The following ROR2 variants were observed in gnomAD, a reference collection of about 807,000 sequenced individuals.
The protein encoded by ROR2 is ROR family WNT receptor 2.
A neutral mutation model predicts 74.9 loss-of-function variants in ROR2; 33 were observed. The ratio of observed to expected loss-of-function variants is 0.44; its 90% CI spans 0.33 to 0.59. The LOEUF (loss-of-function observed/expected upper bound fraction) is 0.59, where lower values mean the gene tolerates loss of function less well. Ranked by LOEUF, ROR2 falls within the 20% of genes least tolerant of loss-of-function variation. The pLI, the probability that ROR2 is intolerant of heterozygous loss-of-function variation, is 0.02. For missense variants in ROR2, 1,216 were observed against 1,313.8 expected (o/e 0.93, Z 1.15); for synonymous variants, 586 against 558.7 (o/e 1.05, Z -0.69).
intron 4 of ROR2, among the ~76,000 whole-genome samples, chr9:91,740,365 G>A (rs571516872): frequency 2.2e-4 from 33 of 152,126 alleles, no homozygotes; most frequent in Admixed American, 1.1e-3. Flanking sequence ...TGGCTAACAC[G>A]GTGAAACCCC....
At chr9:91,849,592 G>C (rs954409018) in intron 1 of ROR2, among the ~76,000 whole-genome samples, 7 of 152,198 alleles carry the variant, frequency 4.6e-5, no homozygotes, top group Non-Finnish European at 1.0e-4. Context: ...GATTACTACA[G>C]AATATCTGAC....
intron 2 of ROR2, among the ~76,000 whole-genome samples, chr9:91,760,783 T>C (rs1471410566): frequency 6.6e-6 from 1 of 152,170 alleles, no homozygotes; most frequent in Admixed American, 6.5e-5. Flanking sequence ...TGCATAAAAC[T>C]ACCCACTTCA....
intron 1 of ROR2, among the ~76,000 whole-genome samples, chr9:91,899,110 T>C (rs1008559861): frequency 6.6e-6 from 1 of 152,210 alleles, no homozygotes; most frequent in African/African-American, 2.4e-5. Context: ...GGCCTCTTCC[T>C]GTTCCGCTGA....
rs1166700674 is a variant in ROR2 at position 91,733,303 on chromosome 9, G to A, written c.756C>T (p.Cys252=). The A allele has an allele frequency of 1.2e-6, 2 of 1,612,544 alleles. No homozygotes were observed. The highest frequency in any genetic ancestry group is 1.7e-6 in the Non-Finnish European group (2 of 1,179,656). The part of the protein sequence containing the change: ...RSRTPKPREL[C]RDECEVLESD... ...TCTCCAGCACCTCGCACTCGTCGCG[G>A]CACAGCTCACGCGGCTTGGGTGTCC... The change falls in exon 6 of 9, where the codon TGC becomes TGT. Residue 252 remains cysteine, a synonymous_variant. Transcript: ENST00000375708. The surrounding 1 kb of genome is among the most constrained non-coding windows in gnomAD (Gnocchi z 5.7).
At chr9:91,837,302 G>A (rs1292465756) in intron 1 of ROR2, among the ~76,000 whole-genome samples, 2 of 152,146 alleles carry the variant, frequency 1.3e-5, no homozygotes, top group African/African-American at 2.4e-5. Flanking sequence ...TTGATCTCCT[G>A]ACCTCATGAT....
chr9:91,723,821 T>C lies in ROR2; in HGVS notation c.2673A>G (p.Ser891=). Residue 891 remains serine (S), a synonymous_variant, in exon 9 of 9, where the codon TCA becomes TCG. Transcript: ENST00000375708. ...CGTTCTGTGTGTCATCAGCGCCCTC[T>C]GAGAGCAGGGCTGCCCTGTCTGCCA... ...TSMADRAALL[S]EGADDTQNAP... 1 of 1,613,990 alleles carries C rather than the reference T, an allele frequency of 6.2e-7. No individual in the cohort carries two copies. The highest frequency in any genetic ancestry group is 8.5e-7 in the Non-Finnish European group (1 of 1,180,008).
chr9:91,788,353 A>G (rs1338318040), intron 1 of ROR2, among the ~76,000 whole-genome samples: 1 of 152,226 alleles, frequency 6.6e-6, no homozygotes, highest in Non-Finnish European at 1.5e-5. Context: ...TACACATTTG[A>G]GAAACTCAAA....
intron 4 of ROR2, among the ~76,000 whole-genome samples, chr9:91,740,250 T>G (rs1214777724): frequency 6.6e-6 from 1 of 152,070 alleles, no homozygotes; most frequent in Non-Finnish European, 1.5e-5. Context: ...GCTTTCAATC[T>G]GAATAGACAA....
chr9:91,870,003 G>A (rs868750046), intron 1 of ROR2, among the ~76,000 whole-genome samples: 1 of 152,160 alleles, frequency 6.6e-6, no homozygotes, highest in South Asian at 2.1e-4. Flanking sequence ...CGAGAGCCAA[G>A]AATAGTTTTT....
chr9:91,774,250 C>T (rs1373579332), intron 2 of ROR2, among the ~76,000 whole-genome samples: 1 of 152,216 alleles, frequency 6.6e-6, no homozygotes, highest in South Asian at 2.1e-4. Flanking sequence ...AAGCACCAGG[C>T]ACCAGCCTCA....
chr9:91,909,838 G>GGT (rs1830909723), intron 1 of ROR2, among the ~76,000 whole-genome samples: 1 of 63,198 alleles, frequency 1.6e-5, no homozygotes, highest in African/African-American at 6.5e-5. Flanking sequence ...TTTTTTTTAG[G>GGT]TTTGTTTTGT....
chr9:91,861,695 T>C (rs1314843894), intron 1 of ROR2, among the ~76,000 whole-genome samples: 1 of 152,162 alleles, frequency 6.6e-6, no homozygotes, highest in African/African-American at 2.4e-5. Context: ...AGTTAAACAG[T>C]TTCTAAGAAA....
intron 1 of ROR2, among the ~76,000 whole-genome samples, chr9:91,902,272 C>G (rs1222361713): frequency 6.6e-6 from 1 of 152,194 alleles, no homozygotes; most frequent in African/African-American, 2.4e-5. Flanking sequence ...TATCTCATTT[C>G]TAAACCAAAG....
chr9:91,851,065 G>C (rs2119255476), intron 1 of ROR2, among the ~76,000 whole-genome samples: 1 of 152,206 alleles, frequency 6.6e-6, no homozygotes, highest in South Asian at 2.1e-4. Flanking sequence ...AAATTCCATA[G>C]ATTCCGGCCG....
chr9:91,801,844 G>A (rs1163046980), intron 1 of ROR2, among the ~76,000 whole-genome samples: 2 of 152,186 alleles, frequency 1.3e-5, no homozygotes, highest in African/African-American at 2.4e-5. Context: ...ATGAACGGGC[G>A]GGCTCATGCC....
chr9:91,741,895 T>G (rs1410651472), intron 4 of ROR2, among the ~76,000 whole-genome samples: 14 of 152,212 alleles, frequency 9.2e-5, no homozygotes, highest in Non-Finnish European at 1.9e-4. Flanking sequence ...CAAACCATGA[T>G]GTCCACTATA....
At chr9:91,944,485 G>A (rs932444583) in intron 1 of ROR2, among the ~76,000 whole-genome samples, 3 of 152,176 alleles carry the variant, frequency 2.0e-5, no homozygotes, top group African/African-American at 7.2e-5. Flanking sequence ...CTACAAAAAT[G>A]CTATTTGAGC....
chr9:91,824,095 G>A (rs1563983678), intron 1 of ROR2, among the ~76,000 whole-genome samples: 1 of 152,184 alleles, frequency 6.6e-6, no homozygotes, highest in African/African-American at 2.4e-5. Flanking sequence ...TTCATGTGCC[G>A]ACGATAGAAT....
chr9:91,909,855 T>G (rs1283456334), intron 1 of ROR2, among the ~76,000 whole-genome samples: 1 of 123,478 alleles, frequency 8.1e-6, no homozygotes, highest in African/African-American at 3.3e-5. Flanking sequence ...TTGTTTTTTT[T>G]TTTTTTTTTT....
Sources: gnomAD v4.1 joint callset for allele counts (sites outside exome capture counted in the v4.1 genomes callset) on GRCh38, gnomAD v4.1.1 for gene constraint, Gnocchi (gnomAD v3.1) non-coding constraint, MANE v1.5 for transcripts, NCBI Gene and HGNC (gene_info 2026-07-23, HGNC 2026-07-21) for gene names.